The following CES5A variants were observed in gnomAD, a reference collection of about 807,000 sequenced individuals.
CES5A encodes carboxylesterase 5.
CES5A carries 67 observed loss-of-function variants against 62.9 expected under a neutral mutation model. That is an observed-to-expected ratio of 1.07 (90% CI 0.88 to 1.31). The LOEUF (loss-of-function observed/expected upper bound fraction) is 1.31. Among genes scored for constraint, CES5A ranks in the 50% most tolerant of loss-of-function variants. The pLI is 0.00. For missense variants in CES5A, 748 were observed against 708.5 expected, an observed-to-expected ratio of 1.06 and a Z score of -0.63; for synonymous variants, 296 against 280.8, an observed-to-expected ratio of 1.05 and a Z score of -0.54.
At chr16:55,933,096 AGCTCTACCATTTG>A (rs1567359766) in intron 2 of CES5A, among the ~76,000 whole-genome samples, 1 of 152,226 alleles carries the variant, frequency 6.6e-6, no homozygotes. Context: ...TTCATCTTGC[AGCTCTACCATTTG>A]GAATACATGG....
chr16:55,882,285 G>A (rs536708513), intron 1 of CES5A, among the ~76,000 whole-genome samples: 2 of 152,276 alleles, frequency 1.3e-5, no homozygotes, highest in East Asian at 3.9e-4. Context: ...GAAAGTTCTG[G>A]ATGCATGGTC....
In CES5A at chr16:55,889,554, G is replaced by C. The variant is rs536552903; in HGVS notation, c.-255-15517C>G. On this transcript the variant is annotated intron_variant, in intron 1 of 12. Transcript: ENST00000518005. ...AGAGATGCACAGAGCAAGGTATCTG[G>C]GAAGGGGCATAGAGCGTCTATGCCC... 6.6e-5 allele frequency among the ~76,000 whole-genome samples: 10 copies of C among 152,240 alleles called. No homozygotes were observed. In the South Asian group the frequency reaches 2.1e-3, roughly 32 times the overall value.
At position 55,912,597 on chromosome 16, in the gene CES5A, AAGG is replaced by A. The variant is rs201377513; in HGVS notation, c.-256+12723_-256+12725del. ...GGAGGAGGAGGAGAAGGAGGAAGAC[AAGG>A]AGGAGGAGGAAGAGGAGGAAGAGAA... is the stretch of plus-strand genomic sequence containing the variant. On this transcript the variant is annotated intron_variant, in intron 1 of 12. Transcript: ENST00000518005. 4.3e-3 allele frequency among the ~76,000 whole-genome samples: 647 copies of A among 151,284 alleles called. 4 individuals are homozygous for A. Among genetic ancestry groups the A allele is most frequent in the African/African-American group, 0.015 (619 of 40,810 alleles).
chr16:55,927,590 T>C (rs1213897702), upstream of CES5A, among the ~76,000 whole-genome samples: 1 of 152,130 alleles, frequency 6.6e-6, no homozygotes, highest in African/African-American at 2.4e-5. Flanking sequence ...CCGGTCAAAA[T>C]GGCCAATTTT....
intron 4 of CES5A, among the ~76,000 whole-genome samples, chr16:55,867,812 C>T (rs1198912787): frequency 6.6e-6 from 1 of 152,226 alleles, no homozygotes; most frequent in Non-Finnish European, 1.5e-5. Context: ...ATAGTGCCCA[C>T]TCCACATGGT....
chr16:55,875,451 G>T, upstream of CES5A: 1 of 1,101,902 alleles, frequency 9.1e-7, no homozygotes. Context: ...ATTGAGCTGG[G>T]GAAAGATAAT....
chr16:55,862,655 C>G (rs1277617231), intron 6 of CES5A, among the ~76,000 whole-genome samples: 1 of 152,160 alleles, frequency 6.6e-6, no homozygotes, highest in African/African-American at 2.4e-5. Context: ...CTGTTATTTT[C>G]TGTAAGATGT....
intron 1 of CES5A, among the ~76,000 whole-genome samples, chr16:55,917,751 A>T (rs1233191172): frequency 2.0e-5 from 3 of 152,126 alleles, no homozygotes; most frequent in Non-Finnish European, 4.4e-5. Context: ...TCCAGCCCAC[A>T]CTCAAGGATA....
chr16:55,856,698 G>A (rs553101048), intron 8 of CES5A, among the ~76,000 whole-genome samples: 52 of 152,344 alleles, frequency 3.4e-4, no homozygotes, highest in Middle Eastern at 3.4e-3. Context: ...TTGTGGGAAG[G>A]CTCCCATTAT....
chr16:55,908,229 C>T (rs2034057606), intron 1 of CES5A, among the ~76,000 whole-genome samples: 1 of 152,158 alleles, frequency 6.6e-6, no homozygotes, highest in Non-Finnish European at 1.5e-5. Context: ...GATTTCTTCA[C>T]TCTTCCCCCT....
At chr16:55,944,228 C>T (rs1363921601) in intron 2 of CES5A, 2 of 635,026 alleles carry the variant, frequency 3.1e-6, no homozygotes, top group East Asian at 2.7e-5. Context: ...TGAACAAGAC[C>T]CCTCTCCTCC....
intron 9 of CES5A, among the ~76,000 whole-genome samples, chr16:55,854,816 G>A (rs1327636349): frequency 2.6e-5 from 4 of 151,922 alleles, no homozygotes; most frequent in African/African-American, 9.7e-5. Flanking sequence ...GCAGATGTGA[G>A]CCACCATGCC....
At position 55,875,370 on chromosome 16, in the gene CES5A, C is replaced by A. The variant is rs1416952694; in HGVS notation, c.-149G>T. ...GAGTTACTGAAGATCAGCATCAGAA[C>A]AATATTCTCAAAGGAATTGACTAAG... On this transcript the variant is annotated 5_prime_UTR_variant, in exon 1 of 13. Coordinates refer to ENST00000290567, the MANE Select transcript of CES5A (RefSeq NM_001143685.2). 2 of 1,436,718 alleles carry A rather than the reference C, an allele frequency of 1.4e-6. No individual in the cohort carries two copies. The highest frequency in any genetic ancestry group is 1.6e-5 in the South Asian group (1 of 64,034). 89.0% of individuals were successfully genotyped at this position (1,436,718 alleles called of 1,614,324 possible).
At chr16:55,864,747 TA>T (rs1228050772) in intron 5 of CES5A, among the ~76,000 whole-genome samples, 6 of 150,688 alleles carry the variant, frequency 4.0e-5, no homozygotes, top group East Asian at 1.9e-4. Context: ...TTTTAAAAAA[TA>T]AAAAAAAAGA....
At chr16:55,855,828 C>T (rs1389364201) in intron 9 of CES5A, among the ~76,000 whole-genome samples, 3 of 152,048 alleles carry the variant, frequency 2.0e-5, no homozygotes, top group East Asian at 1.9e-4. Flanking sequence ...GATATAGTTT[C>T]GACCTGTGTC....
Position 55,849,638 on chromosome 16 carries a change from T to TC in CES5A, c.1408dup (p.Asp470GlyfsTer33). The TC allele has an allele frequency of 1.2e-6, 2 of 1,613,964 alleles. No homozygotes were observed. Among genetic ancestry groups the TC allele is most frequent in the South Asian group, 1.1e-5 (1 of 91,074 alleles). On this transcript the variant is annotated frameshift_variant, in exon 11 of 13. Transcript: ENST00000290567. LOFTEE classifies it high-confidence loss of function. ...CAGTCCCTTACCGAACATAACAATG[T>TC]CCCCCTTCAGGAAGGCACCACCGAA...
At chr16:55,910,638 C>T (rs80001048) in intron 1 of CES5A, among the ~76,000 whole-genome samples, 162 of 152,332 alleles carry the variant, frequency 1.1e-3, no homozygotes, top group African/African-American at 3.6e-3. Context: ...TCCATATGCA[C>T]GCACTTGGCA....
At chr16:55,856,316 C>G in intron 9 of CES5A, 61 bp downstream of exon 9, 14 of 1,508,448 alleles carry the variant, frequency 9.3e-6, no homozygotes, top group Non-Finnish European at 1.3e-5. Context: ...CTGAGTGTGA[C>G]CTAGGGCTAT....
intron 2 of CES5A, chr16:55,944,064 G>A (rs1285910615): frequency 2.8e-6 from 2 of 702,060 alleles, no homozygotes; most frequent in African/African-American, 1.7e-5. Context: ...GCAGAGAAGT[G>A]ACCAAGACCT....
Sources: allele counts gnomAD v4.1 joint callset (sites outside exome capture counted in the v4.1 genomes callset), GRCh38; gene constraint gnomAD v4.1.1; transcripts MANE v1.5; gene names NCBI Gene and HGNC (gene_info 2026-07-23, HGNC 2026-07-21).